The following GBE1 variants were observed in gnomAD, a reference collection of about 807,000 sequenced individuals.
GBE1 encodes the protein 1,4-alpha-glucan-branching enzyme.
Under a neutral mutation model 88.8 loss-of-function variants are expected in GBE1, and 70 were observed. The ratio of observed to expected loss-of-function variants is 0.79; its 90% confidence interval spans 0.65 to 0.96. The LOEUF (loss-of-function observed/expected upper bound fraction) is 0.96. GBE1 is among the 40% of genes least tolerant of loss of function. The probability of loss-of-function intolerance (pLI) is 0.00; values close to 1 mark genes in which losing one functional copy is unlikely to be tolerated. For missense variants in GBE1, 872 were observed against 871.0 expected (o/e 1.00, Z -0.01); for synonymous variants, 284 against 300.1 (o/e 0.95, Z 0.56).
intron 7 of GBE1, among the ~76,000 whole-genome samples, chr3:81,622,465 T>A (rs1303805425): frequency 6.6e-6 from 1 of 152,204 alleles, no homozygotes; most frequent in Non-Finnish European, 1.5e-5. Context: ...CTCAACCACA[T>A]CTTTCTTCAC....
intron 1 of GBE1, among the ~76,000 whole-genome samples, chr3:81,717,208 T>A (rs184178094): frequency 6.6e-6 from 1 of 152,320 alleles, no homozygotes; most frequent in East Asian, 1.9e-4. Flanking sequence ...TAGGAAGCAT[T>A]CTGACTTAAT....
At chr3:81,534,964 G>A (rs1260794544) in intron 14 of GBE1, 3 of 418,870 alleles carry the variant, frequency 7.2e-6, no homozygotes, top group East Asian at 5.2e-5. Context: ...TGTGAACCAC[G>A]TCTGCACTAA....
At chr3:81,737,365 A>T (rs1377942278) in intron 1 of GBE1, among the ~76,000 whole-genome samples, 7 of 35,052 alleles carry the variant, frequency 2.0e-4, no homozygotes, top group Non-Finnish European at 3.0e-4. Flanking sequence ...ATATTTATAT[A>T]TTTATATATA....
chr3:81,523,241 T>A (rs1465542705), intron 14 of GBE1, among the ~76,000 whole-genome samples: 2 of 150,952 alleles, frequency 1.3e-5, no homozygotes, highest in African/African-American at 4.8e-5. Context: ...TAATATATTT[T>A]AGATAGATCC....
At chr3:81,660,092 G>C (rs912142649) in intron 3 of GBE1, among the ~76,000 whole-genome samples, 1 of 152,172 alleles carries the variant, frequency 6.6e-6, no homozygotes, top group Non-Finnish European at 1.5e-5. Flanking sequence ...AGAAAGCGAT[G>C]AAATAGTTTG....
intron 1 of GBE1, among the ~76,000 whole-genome samples, chr3:81,732,153 A>G (rs1706196937): frequency 6.6e-6 from 1 of 152,188 alleles, no homozygotes; most frequent in Non-Finnish European, 1.5e-5. Flanking sequence ...TATAGTTGTT[A>G]AATCAACGAA....
At chr3:81,732,475 A>T (rs1156273397) in intron 1 of GBE1, among the ~76,000 whole-genome samples, 1 of 152,104 alleles carries the variant, frequency 6.6e-6, no homozygotes, top group African/African-American at 2.4e-5. Flanking sequence ...CTAAATGATA[A>T]CCCGGGCCCA....
intron 7 of GBE1, chr3:81,612,268 A>C: frequency 1.6e-6 from 1 of 614,894 alleles, no homozygotes; most frequent in Non-Finnish European, 2.5e-6. Flanking sequence ...CTGGTTCCTC[A>C]TGTTGCCTCT....
chr3:81,578,053 G>C lies in GBE1; in HGVS notation c.1490C>G (p.Ala497Gly). 1 of 1,607,256 alleles carries C rather than the reference G, an allele frequency of 6.2e-7. No homozygotes were observed. The highest frequency in any genetic ancestry group is 8.5e-7 in the Non-Finnish European group (1 of 1,176,886). ...DKSLAFWLMDAEMYTNMSVLT... is the reference protein window; with the variant it reads ...DKSLAFWLMDGEMYTNMSVLT... ...GACACTCATGTTTGTATACATTTCG[G>C]CATCCATCAACCAAAATGCCAGCGA... The change falls in exon 12 of 16, where the codon GCC (alanine) becomes GGC (glycine). Residue 497 changes from alanine (A) to glycine (G), a missense_variant. Ala to Gly is a moderately conservative substitution (Grantham distance 60). Transcript: ENST00000429644.
At chr3:81,745,706 T>C (rs1008784464) in intron 1 of GBE1, among the ~76,000 whole-genome samples, 1 of 152,154 alleles carries the variant, frequency 6.6e-6, no homozygotes, top group Non-Finnish European at 1.5e-5. Context: ...AGTAATCTTT[T>C]AAGTTACATG....
At chr3:81,566,717 C>G (rs1703499438) in intron 12 of GBE1, among the ~76,000 whole-genome samples, 1 of 152,158 alleles carries the variant, frequency 6.6e-6, no homozygotes. Context: ...AGTTATCAAT[C>G]ATGAATTTTT....
chr3:81,624,025 G>T (rs1302299253), intron 7 of GBE1, among the ~76,000 whole-genome samples: 1 of 152,002 alleles, frequency 6.6e-6, no homozygotes, highest in Non-Finnish European at 1.5e-5. Context: ...CTGCTATAAA[G>T]AACTGCCCAA....
chr3:81,491,847 C>T (rs1317238143), intron 15 of GBE1, among the ~76,000 whole-genome samples: 1 of 152,114 alleles, frequency 6.6e-6, no homozygotes, highest in Non-Finnish European at 1.5e-5. Flanking sequence ...ATGTCCAATG[C>T]ATCTCAACTC....
At chr3:81,660,312 C>T (rs1028717552) in intron 3 of GBE1, among the ~76,000 whole-genome samples, 3 of 152,160 alleles carry the variant, frequency 2.0e-5, no homozygotes, top group African/African-American at 7.2e-5. Flanking sequence ...GGATTCTACA[C>T]AATGAAGCTT....
intron 15 of GBE1, among the ~76,000 whole-genome samples, chr3:81,492,776 T>C (rs1702454890): frequency 6.6e-6 from 1 of 151,216 alleles, no homozygotes; most frequent in South Asian, 2.1e-4. Context: ...TCTTGCTATG[T>C]CACCAGGCTG....
At chr3:81,607,083 T>C (rs1704113531) in intron 7 of GBE1, among the ~76,000 whole-genome samples, 1 of 152,142 alleles carries the variant, frequency 6.6e-6, no homozygotes, top group African/African-American at 2.4e-5. Flanking sequence ...TTCACTTCAT[T>C]TTGGTCAATC....
intron 1 of GBE1, among the ~76,000 whole-genome samples, chr3:81,757,606 G>A (rs891914538): frequency 6.6e-6 from 1 of 152,208 alleles, no homozygotes; most frequent in Non-Finnish European, 1.5e-5. Flanking sequence ...AAAGGTCTAG[G>A]AGGAGACGGG....
Position 81,743,429 on chromosome 3 carries a change from C to A in GBE1, c.143+17946G>T. The A allele has an allele frequency of 3.2e-5, 21 of 647,800 alleles. No individual in the cohort carries two copies. In the South Asian group the frequency reaches 3.9e-4, roughly 12 times the overall value. The allele number at this position is 647,800 out of a possible 1,614,324, so 40.1% of individuals were successfully genotyped here. A position where few individuals can be genotyped will look rare whatever the true frequency, so the allele number is the denominator to read the frequency against. ...AAAAGACACAAGGCACACACACAAT[C>A]ATGAACACACATACACCCCCACAAT... On this transcript the variant is annotated intron_variant, in intron 1 of 15. Transcript: ENST00000429644.
intron 14 of GBE1, among the ~76,000 whole-genome samples, chr3:81,532,647 T>C (rs1703024842): frequency 6.6e-6 from 1 of 151,996 alleles, no homozygotes; most frequent in Non-Finnish European, 1.5e-5. Context: ...ATCAAGTAGC[T>C]CCCTAGTCAA....
Sources: gnomAD v4.1 joint callset for allele counts (sites outside exome capture counted in the v4.1 genomes callset) on GRCh38, gnomAD v4.1.1 for gene constraint, MANE v1.5 for transcripts, NCBI Gene and HGNC (gene_info 2026-07-23, HGNC 2026-07-21) for gene names.